SCN2A: variants seen among roughly 807,000 people sequenced by gnomAD.
The protein encoded by SCN2A is sodium voltage-gated channel alpha subunit 2.
Under a neutral mutation model 188.7 loss-of-function variants are expected in SCN2A, and 20 were observed. The observed-to-expected ratio is 0.11, with a 90% CI of 0.07 to 0.15. The LOEUF (loss-of-function observed/expected upper bound fraction) is 0.15, where lower values mean the gene tolerates loss of function less well. Ranked by LOEUF, SCN2A falls within the 10% of genes least tolerant of loss-of-function variation. SCN2A has a pLI of 1.00. For missense variants in SCN2A, 1,278 were observed against 2,445.0 expected (o/e 0.52, Z 10.07); for synonymous variants, 804 against 833.1 (o/e 0.97, Z 0.60).
chr2:165,313,796 T>A (rs756274116), intron 9 of SCN2A, 35 bp downstream of exon 9: 2 of 1,613,432 alleles, frequency 1.2e-6, no homozygotes, highest in South Asian at 2.2e-5. Flanking sequence ...CTGAGAATCA[T>A]AAAACACCGA....
chr2:165,375,837 A>C (rs907269580), intron 22 of SCN2A, among the ~76,000 whole-genome samples: 13 of 151,844 alleles, frequency 8.6e-5, no homozygotes, highest in East Asian at 1.9e-4. Flanking sequence ...ACACACACAC[A>C]CCCCTATAGA....
chr2:165,291,217 A>G (rs1476222368), intron 1 of SCN2A, among the ~76,000 whole-genome samples: 1 of 149,126 alleles, frequency 6.7e-6, no homozygotes, highest in Non-Finnish European at 1.5e-5. Flanking sequence ...AATTTTTTCT[A>G]TTTTTTAGTA....
At chr2:165,253,102 C>G (rs1055580285) in intron 1 of SCN2A, among the ~76,000 whole-genome samples, 9 of 152,006 alleles carry the variant, frequency 5.9e-5, no homozygotes, top group Non-Finnish European at 1.2e-4. Flanking sequence ...AAGGGTCATT[C>G]TTTACAGTAA....
chr2:165,313,273 G>A (rs1697541899), intron 8 of SCN2A, among the ~76,000 whole-genome samples: 1 of 151,956 alleles, frequency 6.6e-6, no homozygotes. Context: ...ACACATTTCT[G>A]CCTCAAGACA....
chr2:165,285,969 T>G (rs1371744413), intron 1 of SCN2A: 3 of 214,834 alleles, frequency 1.4e-5, no homozygotes, highest in Admixed American at 1.3e-4. Flanking sequence ...CAGAGGACTG[T>G]AGACATGCTC....
chr2:165,255,768 T>G (rs1485340396), intron 1 of SCN2A, among the ~76,000 whole-genome samples: 1 of 152,198 alleles, frequency 6.6e-6, no homozygotes, highest in Non-Finnish European at 1.5e-5. Context: ...AATGCCCTCA[T>G]GTAATAATGA....
intron 1 of SCN2A, among the ~76,000 whole-genome samples, chr2:165,282,626 G>T (rs1695632378): frequency 1.3e-5 from 2 of 152,100 alleles, no homozygotes; most frequent in Non-Finnish European, 2.9e-5. Flanking sequence ...ATGTTGCTCA[G>T]GCCAGTCTCC....
intron 16 of SCN2A, among the ~76,000 whole-genome samples, chr2:165,345,743 C>T (rs1013191621): frequency 7.9e-5 from 12 of 152,106 alleles, no homozygotes; most frequent in Admixed American, 2.6e-4. Flanking sequence ...GAATTTGACC[C>T]TGTCATTATG....
chr2:165,309,526 A>G, intron 6 of SCN2A, 83 bp downstream of exon 6: 1 of 1,503,140 alleles, frequency 6.7e-7, no homozygotes, highest in Non-Finnish European at 9.2e-7. Context: ...CCTTGTTGCT[A>G]GTTGCATATT....
intron 1 of SCN2A, among the ~76,000 whole-genome samples, chr2:165,261,468 G>C (rs1383701156): frequency 6.6e-6 from 1 of 152,198 alleles, no homozygotes; most frequent in Non-Finnish European, 1.5e-5. Flanking sequence ...TGAATTGTAA[G>C]TGAAACAGGG....
intron 1 of SCN2A, chr2:165,274,415 G>C (rs1159228121): frequency 3.3e-5 from 5 of 151,238 alleles, no homozygotes; most frequent in Non-Finnish European, 2.9e-5. Flanking sequence ...AAGAGATTGA[G>C]TGAACCGAGG....
In SCN2A at chr2:165,308,708, A is replaced by G. The variant is rs200941759; in HGVS notation, c.519A>G (p.Lys173=). Residue 173 remains lysine (K), a synonymous_variant, in exon 5 of 27, where the codon AAA becomes AAG. Transcript: ENST00000375437. ...TTTATACTTTTGAATCACTTATTAA[A>G]ATACTTGCAAGGGGCTTTTGTTTAG... is the stretch of plus-strand genomic sequence containing the variant. ...TGIYTFESLI[K]ILARGFCLED... is the part of the protein sequence containing the mutation. 8.6e-5 allele frequency: 138 copies of G among 1,612,622 alleles called. 2 individuals are homozygous for G. The South Asian group carries it at 1.5e-3, about 17-fold the overall frequency.
rs766523968 is a variant in SCN2A at position 165,365,197 on chromosome 2, G to A, written c.3454G>A (p.Ala1152Thr). The A allele has an allele frequency of 3.7e-5, 60 of 1,613,642 alleles. No homozygotes were observed. Among genetic ancestry groups the A allele is most frequent in the East Asian group, 1.3e-4 (6 of 44,868 alleles). Residue 1152 changes from alanine to threonine, a missense_variant, in exon 18 of 27, where the codon GCC (alanine) becomes ACC (threonine). Transcript: ENST00000375437. Reference protein sequence around the residue: ...EGSTVDIGAPAEGEQPEVEPE... With the variant: ...EGSTVDIGAPTEGEQPEVEPE... ...CAGCACGGTTGATATTGGAGCTCCC[G>A]CCGAGGGAGAACAGCCTGAGGTTGA...
rs1553462132 is a variant in SCN2A at position 165,380,715 on chromosome 2, C to A, written c.4432C>A (p.Gln1478Lys). 1 of 1,585,136 alleles carries A rather than the reference C, an allele frequency of 6.3e-7. No homozygotes were observed. Among genetic ancestry groups the A allele is most frequent in the Non-Finnish European group, 8.6e-7 (1 of 1,156,984 alleles). Reference sequence around the variant, plus strand: ...TGGTGTCATCATAGATAACTTCAACCAACAGAAAAAGAAGATAAGTATATT... The same window carrying A: ...TGGTGTCATCATAGATAACTTCAACAAACAGAAAAAGAAGATAAGTATATT... ...FIGVIIDNFN[Q>K]QKKKFGGQDI... The change falls in exon 24 of 27, where the codon CAA (glutamine) becomes AAA (lysine). Residue 1478 changes from glutamine to lysine, a missense_variant. Physicochemically the swap from Gln to Lys is moderately conservative, Grantham distance 53. This residue lies in a region of SCN2A where 97 missense variants were observed against 266.1 expected (regional missense o/e 0.36). Transcript: ENST00000375437.
chr2:165,309,691 G>A (rs1425066922), intron 6 of SCN2A, among the ~76,000 whole-genome samples: 2 of 152,126 alleles, frequency 1.3e-5, no homozygotes, highest in Non-Finnish European at 2.9e-5. Flanking sequence ...CAGGCTACAT[G>A]GTTTGCATCC....
intron 11 of SCN2A, among the ~76,000 whole-genome samples, chr2:165,318,538 G>T (rs1697889571): frequency 6.6e-6 from 1 of 152,216 alleles, no homozygotes; most frequent in African/African-American, 2.4e-5. Flanking sequence ...GTCAGCAAAA[G>T]AAGTTGATGC....
At chr2:165,275,264 A>T (rs886479891) in intron 1 of SCN2A, among the ~76,000 whole-genome samples, 1 of 152,170 alleles carries the variant, frequency 6.6e-6, no homozygotes, top group African/African-American at 2.4e-5. Context: ...ACTTTCCTTC[A>T]GGGCTTTTGT....
At chr2:165,359,429 A>G (rs1304511118) in intron 17 of SCN2A, among the ~76,000 whole-genome samples, 2 of 152,092 alleles carry the variant, frequency 1.3e-5, no homozygotes, top group East Asian at 3.9e-4. Context: ...CATATTATCC[A>G]TCAACGTATC....
At chr2:165,286,833 C>CT (rs899863705) in intron 1 of SCN2A, among the ~76,000 whole-genome samples, 4 of 152,128 alleles carry the variant, frequency 2.6e-5, no homozygotes, top group Admixed American at 6.5e-5. Context: ...ATGTATTACG[C>CT]TTTTTTGGGA....
Sources: allele counts gnomAD v4.1 joint callset (sites outside exome capture counted in the v4.1 genomes callset), GRCh38; gene constraint gnomAD v4.1.1; regional missense constraint gnomAD v4.1.1; transcripts MANE v1.5; gene names NCBI Gene and HGNC (gene_info 2026-07-23, HGNC 2026-07-21).